Variants in SPOCK1 observed in about 807,000 individuals in gnomAD.
SPOCK1 encodes the protein SPARC (osteonectin), cwcv and kazal like domains proteoglycan 1, also known as testican-1.
In SPOCK1, 23 loss-of-function variants were observed where a neutral mutation model predicts 55.3. The ratio of observed to expected loss-of-function variants is 0.42; its 90% confidence interval spans 0.30 to 0.59. The LOEUF (loss-of-function observed/expected upper bound fraction) is 0.59. Ranked by LOEUF, SPOCK1 falls within the 20% of genes least tolerant of loss-of-function variation. SPOCK1 has a pLI of 0.22. For missense variants in SPOCK1, 499 were observed against 552.5 expected, an observed-to-expected ratio of 0.90 and a Z score of 0.97; for synonymous variants, 226 against 221.0, an observed-to-expected ratio of 1.02 and a Z score of -0.20.
chr5:137,074,765 C>T (rs912059173), intron 5 of SPOCK1, among the ~76,000 whole-genome samples: 9 of 151,868 alleles, frequency 5.9e-5, no homozygotes, highest in Non-Finnish European at 1.3e-4. Context: ...AGTGCAGTGG[C>T]GCAAACTCGG....
chr5:137,404,892 C>A (rs533939968), intron 2 of SPOCK1, among the ~76,000 whole-genome samples: 1 of 152,148 alleles, frequency 6.6e-6, no homozygotes, highest in South Asian at 2.1e-4. Context: ...CACAAAGTTA[C>A]GTTTCCAGGT....
At chr5:137,112,683 T>C (rs576422225) in intron 4 of SPOCK1, 122 bp from the exon 5 acceptor site, 1 of 1,254,466 alleles carries the variant, frequency 8.0e-7, no homozygotes, top group Non-Finnish European at 1.1e-6. Context: ...CAAGGGATCC[T>C]GAGGGCCTTA....
At chr5:137,303,137 T>C (rs1757635520) in intron 2 of SPOCK1, among the ~76,000 whole-genome samples, 1 of 152,152 alleles carries the variant, frequency 6.6e-6, no homozygotes, top group Non-Finnish European at 1.5e-5. Flanking sequence ...TTTTTGTGCC[T>C]CTGGGGTTAT....
chr5:137,077,768 T>C (rs1287880573), intron 5 of SPOCK1, among the ~76,000 whole-genome samples: 2 of 152,156 alleles, frequency 1.3e-5, no homozygotes, highest in Admixed American at 6.5e-5. Context: ...GTTCTGTTCA[T>C]AGGATCTGGT....
At chr5:137,399,816 C>A (rs1251396968) in intron 2 of SPOCK1, among the ~76,000 whole-genome samples, 2 of 152,056 alleles carry the variant, frequency 1.3e-5, no homozygotes. Flanking sequence ...CTCTTCAGAG[C>A]CCTCCTGTTC....
At chr5:137,113,013 C>A (rs1486305287) in intron 4 of SPOCK1, among the ~76,000 whole-genome samples, 1 of 152,116 alleles carries the variant, frequency 6.6e-6, no homozygotes, top group Admixed American at 6.6e-5. Flanking sequence ...GCGCTTTAGA[C>A]AAAAGCACAC....
Position 137,336,987 on chromosome 5 carries a change from C to T in SPOCK1, c.187-69932G>A, listed in dbSNP as rs558640930. Among the ~76,000 whole-genome samples the T allele has an allele frequency of 8.5e-5, 13 of 152,296 alleles. No homozygotes were observed. The East Asian group carries it at 1.5e-3, about 18-fold the overall frequency. On this transcript the variant is annotated intron_variant, in intron 2 of 10. Transcript: ENST00000394945. Reference sequence around the variant, plus strand: ...CAGTGGAGGTCAGAATGAGAGCTCCCCCAGGGCAAAGACCAGTGACACTGT... The same window carrying T: ...CAGTGGAGGTCAGAATGAGAGCTCCTCCAGGGCAAAGACCAGTGACACTGT...
intron 6 of SPOCK1, among the ~76,000 whole-genome samples, chr5:137,003,565 C>T (rs1455106342): frequency 6.6e-6 from 1 of 152,118 alleles, no homozygotes; most frequent in Non-Finnish European, 1.5e-5. Context: ...ACTTTTATAT[C>T]TGTAAGAGGT....
intron 3 of SPOCK1, among the ~76,000 whole-genome samples, chr5:137,143,699 A>T (rs1003751244): frequency 2.6e-5 from 4 of 152,214 alleles, no homozygotes; most frequent in African/African-American, 9.6e-5. Context: ...GTAAATAATC[A>T]GTTTTCATAA....
chr5:137,434,549 T>C (rs1298791244), intron 2 of SPOCK1, among the ~76,000 whole-genome samples: 1 of 131,608 alleles, frequency 7.6e-6, no homozygotes, highest in Non-Finnish European at 1.6e-5. Flanking sequence ...CTGCAGTGCA[T>C]GGTGCGATGG....
intron 2 of SPOCK1, among the ~76,000 whole-genome samples, chr5:137,312,077 C>T (rs559347182): frequency 2.5e-4 from 38 of 152,328 alleles, no homozygotes; most frequent in South Asian, 4.1e-4. Flanking sequence ...TTGCTTGGCA[C>T]GTAGCTCCAT....
chr5:137,145,088 C>T (rs1754167838), intron 3 of SPOCK1, among the ~76,000 whole-genome samples: 1 of 151,698 alleles, frequency 6.6e-6, no homozygotes, highest in Non-Finnish European at 1.5e-5. Flanking sequence ...CACCTATATG[C>T]AGAACTATTC....
intron 2 of SPOCK1, among the ~76,000 whole-genome samples, chr5:137,394,044 G>A (rs1452587651): frequency 1.3e-5 from 2 of 152,046 alleles, no homozygotes; most frequent in Admixed American, 6.6e-5. Context: ...CAAAATGAAG[G>A]TTCCTGGATT....
chr5:137,090,027 G>C (rs981210147), intron 5 of SPOCK1, among the ~76,000 whole-genome samples: 2 of 152,126 alleles, frequency 1.3e-5, no homozygotes, highest in African/African-American at 4.8e-5. Flanking sequence ...CTAGATACTT[G>C]GCATTTTTGC....
intron 3 of SPOCK1, among the ~76,000 whole-genome samples, chr5:137,185,704 A>AGGGTGCT (rs1554068867): frequency 6.6e-6 from 1 of 152,232 alleles, no homozygotes; most frequent in East Asian, 1.9e-4. Flanking sequence ...CCGTGGTGCC[A>AGGGTGCT]GGGTGCCGAG....
At chr5:137,175,214 C>T (rs1230911348) in intron 3 of SPOCK1, among the ~76,000 whole-genome samples, 1 of 152,104 alleles carries the variant, frequency 6.6e-6, no homozygotes, top group African/African-American at 2.4e-5. Flanking sequence ...TAGGAGTGGG[C>T]CTTGGAAAAT....
chr5:137,160,565 T>A lies in SPOCK1; in HGVS notation c.233-19871A>T, dbSNP rs866767760. Among the ~76,000 whole-genome samples, 647 of 65,666 alleles carry A rather than the reference T, an allele frequency of 9.9e-3. 28 individuals are homozygous for A. The highest frequency in any genetic ancestry group is 0.04 in the African/African-American group (603 of 15,248). The allele number at this position is 65,666 out of a possible 152,430, so 43.1% of individuals were successfully genotyped here. A position where few individuals can be genotyped will look rare whatever the true frequency, so the allele number is the denominator to read the frequency against. ...AATATATATAATATATATTATATAT[T>A]ATATATTATATAATATATATAATAT... On this transcript the variant is annotated intron_variant, in intron 3 of 10. Coordinates refer to ENST00000394945, the MANE Select transcript of SPOCK1 (RefSeq NM_004598.4).
At chr5:137,474,898 T>G (rs907293494) in intron 2 of SPOCK1, among the ~76,000 whole-genome samples, 2 of 152,192 alleles carry the variant, frequency 1.3e-5, no homozygotes, top group Admixed American at 6.5e-5. Context: ...CACTTTGCAA[T>G]GTAATACTAT....
intron 3 of SPOCK1, among the ~76,000 whole-genome samples, chr5:137,178,821 C>T (rs746200239): frequency 6.6e-6 from 1 of 152,218 alleles, no homozygotes; most frequent in Non-Finnish European, 1.5e-5. Flanking sequence ...AAGGCACATC[C>T]ACAAGAGCAG....
Sources: gnomAD v4.1 joint callset for allele counts (sites outside exome capture counted in the v4.1 genomes callset) on GRCh38, gnomAD v4.1.1 for gene constraint, MANE v1.5 for transcripts, NCBI Gene and HGNC (gene_info 2026-07-23, HGNC 2026-07-21) for gene names.